CDH9: variants seen among roughly 807,000 people sequenced by gnomAD.
CDH9 encodes the protein cadherin 9, also known as cadherin-9.
In CDH9, 28 loss-of-function variants were observed where a neutral mutation model predicts 70.9. The observed-to-expected ratio is 0.40, with a 90% confidence interval of 0.29 to 0.54. The LOEUF (loss-of-function observed/expected upper bound fraction) is 0.54, where lower values mean the gene tolerates loss of function less well. Among genes scored for constraint, CDH9 ranks in the 20% least tolerant of loss-of-function variants. The probability of loss-of-function intolerance (pLI) is 0.59; values close to 1 mark genes in which losing one functional copy is unlikely to be tolerated. For missense variants in CDH9, 874 were observed against 984.4 expected, an observed-to-expected ratio of 0.89 and a Z score of 1.50; for synonymous variants, 409 against 343.1, an observed-to-expected ratio of 1.19 and a Z score of -2.12.
chr5:26,925,763 C>T (rs974208390), intron 2 of CDH9, among the ~76,000 whole-genome samples: 3 of 152,088 alleles, frequency 2.0e-5, no homozygotes, highest in Non-Finnish European at 2.9e-5. Context: ...CAGTTTTCTA[C>T]ATATGGCTAG....
intron 2 of CDH9, among the ~76,000 whole-genome samples, chr5:26,925,502 T>A (rs962921831): frequency 6.6e-6 from 1 of 152,024 alleles, no homozygotes; most frequent in Non-Finnish European, 1.5e-5. Context: ...TGTAGGTTGC[T>A]TGTTCACTCT....
At chr5:26,946,855 C>G (rs7702516) in intron 2 of CDH9, among the ~76,000 whole-genome samples, 19,728 of 152,070 alleles carry the variant, frequency 0.13, 4,286 homozygotes, top group African/African-American at 0.45. Flanking sequence ...ACCGAATCCT[C>G]AGCTTATTCT....
rs548009242 is a variant in CDH9 at position 26,938,715 on chromosome 5, G to A, written c.229-22791C>T. Among the ~76,000 whole-genome samples, 164 of 152,054 alleles carry A rather than the reference G, an allele frequency of 1.1e-3. 2 individuals carry two copies. Among genetic ancestry groups the A allele is most frequent in the South Asian group, 2.7e-3 (13 of 4,822 alleles). On this transcript the variant is annotated intron_variant, in intron 2 of 11. Transcript: ENST00000231021. The stretch of plus-strand genomic sequence containing the variant: ...ATTTATGATAGCCCAATAACCAACA[G>A]GGGAACTGATCAACAAATTGGGGTA...
Position 26,985,236 on chromosome 5 carries a change from T to C in CDH9, c.228+2870A>G, listed in dbSNP as rs1012306536. On this transcript the variant is annotated intron_variant, in intron 2 of 11. Coordinates refer to ENST00000231021, the MANE Select transcript of CDH9 (RefSeq NM_016279.4). Reference sequence around the variant, plus strand: ...TTCTACCTTCTTAGATTTGTCCACATGCACATATTTATGAAAATATTTCTA... The same window carrying C: ...TTCTACCTTCTTAGATTTGTCCACACGCACATATTTATGAAAATATTTCTA... Among the ~76,000 whole-genome samples the C allele has an allele frequency of 2.6e-5, 4 of 152,192 alleles. No homozygotes were observed. In the East Asian group the frequency reaches 7.8e-4, roughly 30 times the overall value.
chr5:27,018,741 C>T (rs552814741), intron 1 of CDH9, among the ~76,000 whole-genome samples: 1 of 151,208 alleles, frequency 6.6e-6, no homozygotes, highest in Admixed American at 6.6e-5. Context: ...TTTTGGAGTC[C>T]CAAATTAAAA....
intron 7 of CDH9, among the ~76,000 whole-genome samples, chr5:26,892,480 G>A (rs1481791333): frequency 6.6e-6 from 1 of 152,066 alleles, no homozygotes; most frequent in South Asian, 2.1e-4. Flanking sequence ...GAATAAGAAC[G>A]GAAACAGGAA....
intron 2 of CDH9, among the ~76,000 whole-genome samples, chr5:26,920,891 G>T (rs1217122172): frequency 6.6e-6 from 1 of 152,156 alleles, no homozygotes; most frequent in Admixed American, 6.5e-5. Flanking sequence ...TCCCAAGAAG[G>T]ACGAGTCAAA....
intron 2 of CDH9, among the ~76,000 whole-genome samples, chr5:26,923,069 T>TTA (rs1741273017): frequency 1.1e-5 from 1 of 95,060 alleles, no homozygotes; most frequent in African/African-American, 3.9e-5. Context: ...TTACATGAAT[T>TTA]AAAAAAAAAA....
chr5:27,006,626 G>A (rs887366744), intron 1 of CDH9, among the ~76,000 whole-genome samples: 25 of 152,236 alleles, frequency 1.6e-4, no homozygotes, highest in African/African-American at 5.5e-4. Context: ...TGCTTTAGTA[G>A]CATCCCTAGT....
intron 2 of CDH9, among the ~76,000 whole-genome samples, chr5:26,969,953 A>G (rs1048257880): frequency 6.7e-6 from 1 of 149,926 alleles, no homozygotes; most frequent in Non-Finnish European, 1.5e-5. Context: ...ATACACACAT[A>G]TATACACCCA....
At chr5:26,884,238 C>T (rs539786496) in intron 11 of CDH9, among the ~76,000 whole-genome samples, 1 of 152,168 alleles carries the variant, frequency 6.6e-6, no homozygotes, top group African/African-American at 2.4e-5. Context: ...ATTAATTTGA[C>T]AATGTTAAAA....
At chr5:26,912,339 G>C (rs147918369) in intron 3 of CDH9, among the ~76,000 whole-genome samples, 52 of 151,896 alleles carry the variant, frequency 3.4e-4, no homozygotes, top group African/African-American at 1.2e-3. Context: ...TAGGAGTAAA[G>C]AAAATCACAC....
chr5:26,923,477 G>C (rs2170038), intron 2 of CDH9, among the ~76,000 whole-genome samples: 2,229 of 151,992 alleles, frequency 0.015, 52 homozygotes, highest in African/African-American at 0.051. Context: ...ATAATAGCTA[G>C]AGACTTCAAC....
In CDH9 at chr5:26,888,488, T is replaced by C. The variant is rs188247971; in HGVS notation, c.1512+1348A>G. Among the ~76,000 whole-genome samples the C allele has an allele frequency of 7.7e-3, 1,150 of 149,964 alleles. 16 individuals are homozygous for C. The highest frequency in any genetic ancestry group is 0.027 in the African/African-American group (1,099 of 40,074). Reference sequence around the variant, plus strand: ...TATGTTATGAAAATTAAGCATCAAATTCAAAAAAATCATTTACTAAACTGA... The same window carrying C: ...TATGTTATGAAAATTAAGCATCAAACTCAAAAAAATCATTTACTAAACTGA... On this transcript the variant is annotated intron_variant, in intron 9 of 11. Transcript: ENST00000231021.
chr5:26,944,227 T>C (rs1427650181), intron 2 of CDH9, among the ~76,000 whole-genome samples: 1 of 111,754 alleles, frequency 8.9e-6, no homozygotes, highest in Admixed American at 1.2e-4. Flanking sequence ...ATCTCACTGA[T>C]TTTCCATTTC....
chr5:26,954,735 G>C (rs1278337495), intron 2 of CDH9, among the ~76,000 whole-genome samples: 1 of 151,900 alleles, frequency 6.6e-6, no homozygotes, highest in East Asian at 1.9e-4. Flanking sequence ...CCACCATTTG[G>C]TTTTAAGAAC....
At chr5:26,924,570 T>G (rs1190183221) in intron 2 of CDH9, among the ~76,000 whole-genome samples, 2 of 151,220 alleles carry the variant, frequency 1.3e-5, no homozygotes, top group Admixed American at 6.6e-5. Flanking sequence ...ATGTAATACT[T>G]TCAGTTCTAG....
At position 26,976,911 on chromosome 5, in the gene CDH9, A is replaced by G. The variant is rs191766533; in HGVS notation, c.228+11195T>C. Among the ~76,000 whole-genome samples, 125 of 151,992 alleles carry G rather than the reference A, an allele frequency of 8.2e-4. No homozygotes were observed. The South Asian group carries it at 0.012, about 14-fold the overall frequency. ...TTTTGTTATCTGTATTATTGTATGTATTATATTTACTAAAATTACTATCTC... is the reference window on the plus strand; with the variant it reads ...TTTTGTTATCTGTATTATTGTATGTGTTATATTTACTAAAATTACTATCTC... On this transcript the variant is annotated intron_variant, in intron 2 of 11. Coordinates refer to ENST00000231021, the MANE Select transcript of CDH9 (RefSeq NM_016279.4).
At chr5:26,933,425 A>G (rs746215604) in intron 2 of CDH9, among the ~76,000 whole-genome samples, 2 of 152,044 alleles carry the variant, frequency 1.3e-5, no homozygotes, top group Non-Finnish European at 2.9e-5. Flanking sequence ...AAAGGAATCA[A>G]TGAAACTAAA....
Sources: gnomAD v4.1 joint callset for allele counts (sites outside exome capture counted in the v4.1 genomes callset) on GRCh38, gnomAD v4.1.1 for gene constraint, MANE v1.5 for transcripts, NCBI Gene and HGNC (gene_info 2026-07-23, HGNC 2026-07-21) for gene names.